Variants in DLGAP4 observed in about 807,000 individuals in gnomAD.
DLGAP4 encodes the protein disks large-associated protein 4.
DLGAP4 carries 18 observed loss-of-function variants against 86.9 expected under a neutral mutation model. The observed-to-expected ratio is 0.21, with a 90% confidence interval of 0.14 to 0.31. The LOEUF is 0.31. Among genes scored for constraint, DLGAP4 ranks in the 10% least tolerant of loss-of-function variants. The probability of loss-of-function intolerance (pLI) is 1.00; values close to 1 mark genes in which losing one functional copy is unlikely to be tolerated. For synonymous variants in DLGAP4, 548 were observed against 574.3 expected (o/e 0.95, Z 0.65); for missense variants, 1,085 against 1,362.6 (o/e 0.80, Z 3.21).
At chr20:36,526,731 G>T in intron 12 of DLGAP4, 82 bp from the exon 13 acceptor site, 1 of 1,329,318 alleles carries the variant, frequency 7.5e-7, no homozygotes. Context: ...GACTCCAGCT[G>T]CCGGCATATG....
rs1184466533 is a variant in DLGAP4 at position 36,311,487 on chromosome 20, G to A, written c.-304+4975G>A. Reference sequence around the variant, plus strand: ...TTTGCTACACCCCTCACCAGGGCTGGTTGCAAAACCAGGCTTGGGGATCCC... The same window carrying A: ...TTTGCTACACCCCTCACCAGGGCTGATTGCAAAACCAGGCTTGGGGATCCC... On this transcript the variant is annotated intron_variant, in intron 1 of 12. Coordinates refer to ENST00000339266, the MANE Select transcript of DLGAP4 (RefSeq NM_001365621.2). Among the ~76,000 whole-genome samples, 5 of 152,274 alleles carry A rather than the reference G, an allele frequency of 3.3e-5. No homozygotes were observed. The East Asian group carries it at 9.6e-4, about 29-fold the overall frequency.
At chr20:36,368,241 C>T (rs540064913) in intron 2 of DLGAP4, among the ~76,000 whole-genome samples, 2 of 152,328 alleles carry the variant, frequency 1.3e-5, no homozygotes, top group Non-Finnish European at 2.9e-5. Flanking sequence ...AGTGCCAGTC[C>T]CTGCTGCCCC....
chr20:36,481,189 A>G (rs921098039), intron 7 of DLGAP4, among the ~76,000 whole-genome samples: 1 of 151,996 alleles, frequency 6.6e-6, no homozygotes, highest in Non-Finnish European at 1.5e-5. Flanking sequence ...CTGGCTGGCC[A>G]TTTTCTAGGT....
intron 1 of DLGAP4, among the ~76,000 whole-genome samples, chr20:36,363,677 G>C (rs2030594242): frequency 6.6e-6 from 1 of 152,300 alleles, no homozygotes; most frequent in East Asian, 1.9e-4. Flanking sequence ...TGAATCCCTG[G>C]CTACCCTGAG....
chr20:36,373,282 G>A (rs1329783457), intron 2 of DLGAP4, among the ~76,000 whole-genome samples: 2 of 152,152 alleles, frequency 1.3e-5, no homozygotes, highest in Non-Finnish European at 2.9e-5. Context: ...GGACCTCAGG[G>A]CCACCAGGAC....
chr20:36,436,072 T>A, intron 3 of DLGAP4, 37 bp from the exon 4 acceptor site: 1 of 1,512,978 alleles, frequency 6.6e-7, no homozygotes, highest in Non-Finnish European at 8.8e-7. Context: ...GCTCATTTTC[T>A]GCGGTGGCCC....
chr20:36,473,489 G>A (rs1274316915), intron 7 of DLGAP4, among the ~76,000 whole-genome samples: 1 of 152,156 alleles, frequency 6.6e-6, no homozygotes, highest in African/African-American at 2.4e-5. Flanking sequence ...AGTTTGGTTG[G>A]CCTGTGTCTT....
At position 36,466,926 on chromosome 20, in the gene DLGAP4, CTCTCTCTCTCTCTCTCTCTG is replaced by C. The variant is rs1221152054; in HGVS notation, c.1648+20018_1648+20037del. 4.8e-3 allele frequency among the ~76,000 whole-genome samples: 682 copies of C among 140,974 alleles called. 10 individuals carry two copies. The highest frequency in any genetic ancestry group is 0.018 in the African/African-American group (640 of 36,490). The allele number at this position is 140,974 out of a possible 152,430, so 92.5% of individuals were successfully genotyped here. On this transcript the variant is annotated intron_variant, in intron 7 of 12. Transcript: ENST00000339266. ...GGTCAAAGCGAGTCTCTCGCTCTTGCTCTCTCTCTCTCTCTCTCTGTCTCTCTCTCTCTCTCTCTGTCTCT... is the reference window on the plus strand; with the variant it reads ...GGTCAAAGCGAGTCTCTCGCTCTTGCTCTCTCTCTCTCTCTCTCTGTCTCT...
intron 1 of DLGAP4, among the ~76,000 whole-genome samples, chr20:36,327,970 A>C (rs1350928830): frequency 2.0e-5 from 3 of 150,772 alleles, no homozygotes; most frequent in Non-Finnish European, 4.4e-5. Context: ...AGGCCAAGGC[A>C]GGTGGATTGT....
intron 2 of DLGAP4, among the ~76,000 whole-genome samples, chr20:36,390,597 C>T (rs940419629): frequency 6.6e-6 from 1 of 152,186 alleles, no homozygotes; most frequent in Non-Finnish European, 1.5e-5. Context: ...CTGTACCCCC[C>T]TCTAGTCTAA....
At chr20:36,425,383 C>A (rs2032946033) in intron 2 of DLGAP4, among the ~76,000 whole-genome samples, 1 of 152,154 alleles carries the variant, frequency 6.6e-6, no homozygotes, top group Admixed American at 6.5e-5. Flanking sequence ...AGGGAGATAC[C>A]AGTTCACACC....
At chr20:36,513,898 A>T (rs981123158) in intron 10 of DLGAP4, among the ~76,000 whole-genome samples, 36 of 152,176 alleles carry the variant, frequency 2.4e-4, no homozygotes, top group Non-Finnish European at 4.3e-4. Flanking sequence ...GTTAAATTTG[A>T]TATGCTTTGT....
chr20:36,315,723 A>G (rs955058257), intron 1 of DLGAP4, among the ~76,000 whole-genome samples: 19 of 152,146 alleles, frequency 1.2e-4, no homozygotes, highest in Non-Finnish European at 2.4e-4. Flanking sequence ...ATCCCACTGA[A>G]AGAAACTAGG....
intron 2 of DLGAP4, among the ~76,000 whole-genome samples, chr20:36,378,864 G>T (rs2031262188): frequency 6.6e-6 from 1 of 152,092 alleles, no homozygotes; most frequent in African/African-American, 2.4e-5. Flanking sequence ...TGGTGGGAAG[G>T]CGTGGGAAGC....
At position 36,476,344 on chromosome 20, in the gene DLGAP4, TG is replaced by T. The variant is rs1488607304; in HGVS notation, c.1649-20359del. On this transcript the variant is annotated intron_variant, in intron 7 of 12. Coordinates refer to ENST00000339266, the MANE Select transcript of DLGAP4 (RefSeq NM_001365621.2). The stretch of plus-strand genomic sequence containing the variant: ...TTTTTTTTTTTTTTTTTTTTTTTTT[TG>T]GAGACACAGTCTCGCTCTGTCTCCC... 7.2e-3 allele frequency among the ~76,000 whole-genome samples: 1,006 copies of T among 140,392 alleles called. 65 individuals carry two copies. The highest frequency in any genetic ancestry group is 0.027 in the African/African-American group (955 of 34,840). The allele number at this position is 140,392 out of a possible 152,430, so 92.1% of individuals were successfully genotyped here.
Position 36,527,117 on chromosome 20 carries a change from C to A in DLGAP4, c.*86C>A, listed in dbSNP as rs2037819803. 1 of 1,366,978 alleles carries A rather than the reference C, an allele frequency of 7.3e-7. No homozygotes were observed. Among genetic ancestry groups the A allele is most frequent in the Non-Finnish European group, 9.9e-7 (1 of 1,015,110 alleles). The allele number at this position is 1,366,978 out of a possible 1,614,324, so 84.7% of individuals were successfully genotyped here. ...CGGAACAGAGTTTTCTCAACCTTTG[C>A]TATGGTTATTCTGTCTAGAGACCCT... On this transcript the variant is annotated 3_prime_UTR_variant, in exon 13 of 13. Coordinates refer to ENST00000339266, the MANE Select transcript of DLGAP4 (RefSeq NM_001365621.2).
At chr20:36,498,630 A>T (rs2035988975) in intron 8 of DLGAP4, 1 of 152,542 alleles carries the variant, frequency 6.6e-6, no homozygotes, top group African/African-American at 2.4e-5. Flanking sequence ...GCCGAGGGGA[A>T]ATGTGGCTGC....
In DLGAP4 at chr20:36,524,451, C is replaced by T. The variant is rs754955027; in HGVS notation, c.2604+110C>T. 1.2e-4 allele frequency: 110 copies of T among 885,080 alleles called. No individual in the cohort carries two copies. The East Asian group carries it at 1.7e-3, about 14-fold the overall frequency. 54.8% of individuals were successfully genotyped at this position (885,080 alleles called of 1,614,324 possible). On this transcript the variant is annotated intron_variant, in intron 11 of 12. Transcript: ENST00000339266. ...GCCCTCCTCTGTAACACACACAGCG[C>T]GGCTTCCTCATGGTGCTGGAAGGAC...
chr20:36,378,311 G>A (rs532158820), intron 2 of DLGAP4, among the ~76,000 whole-genome samples: 1 of 152,176 alleles, frequency 6.6e-6, no homozygotes, highest in Non-Finnish European at 1.5e-5. Context: ...CTGGTTAAAA[G>A]CCTTAGGGTG....
Sources: allele counts gnomAD v4.1 joint callset (sites outside exome capture counted in the v4.1 genomes callset), GRCh38; gene constraint gnomAD v4.1.1; transcripts MANE v1.5; gene names NCBI Gene and HGNC (gene_info 2026-07-23, HGNC 2026-07-21).